Variants in NOSTRIN observed in about 807,000 individuals in gnomAD.
The protein encoded by NOSTRIN is nitric oxide synthase trafficking, also known as BM247 homolog.
NOSTRIN carries 63 observed loss-of-function variants against 59.0 expected under a neutral mutation model. The observed-to-expected ratio is 1.07, with a 90% CI of 0.87 to 1.32. The LOEUF (loss-of-function observed/expected upper bound fraction) is 1.32, where lower values mean the gene tolerates loss of function less well. Among genes scored for constraint, NOSTRIN ranks in the 40% most tolerant of loss-of-function variants. NOSTRIN has a pLI of 0.00. For missense variants in NOSTRIN, 512 were observed against 473.1 expected, an observed-to-expected ratio of 1.08 and a Z score of -0.76; for synonymous variants, 200 against 165.4, an observed-to-expected ratio of 1.21 and a Z score of -1.61.
intron 15 of NOSTRIN, chr2:168,863,611 C>CTAAGT (rs1689625972): frequency 3.0e-6 from 3 of 985,052 alleles, no homozygotes; most frequent in Admixed American, 6.2e-5. Flanking sequence ...TTAAAGTTGT[C>CTAAGT]TAAGTTGTTG....
chr2:168,824,402 G>A (rs1001976588), intron 2 of NOSTRIN, among the ~76,000 whole-genome samples: 13 of 151,980 alleles, frequency 8.6e-5, no homozygotes, highest in South Asian at 2.1e-4. Context: ...ATGCTCAAGC[G>A]ATTCTCGCAC....
In NOSTRIN at chr2:168,859,603, C is replaced by G; in HGVS notation, c.1145C>G (p.Pro382Arg). The G allele has an allele frequency of 6.2e-7, 1 of 1,614,024 alleles. No individual in the cohort carries two copies. The highest frequency in any genetic ancestry group is 1.1e-5 in the South Asian group (1 of 91,064). The change falls in exon 13 of 16, where the codon CCT becomes CGT. Residue 382 changes from proline (P) to arginine (R), a missense_variant. Coordinates refer to ENST00000317647, the MANE Select transcript of NOSTRIN (RefSeq NM_001039724.4). ...GAGCAAAGACCTCAACCCAGCCATC[C>G]TTGTAGTAATTCCATCTTCAGGTGG... Reference protein sequence around the residue: ...ELEQRPQPSHPCSNSIFRWRE... With the variant: ...ELEQRPQPSHRCSNSIFRWRE...
intron 2 of NOSTRIN, among the ~76,000 whole-genome samples, chr2:168,791,455 G>A (rs111906637): frequency 6.6e-5 from 10 of 152,100 alleles, no homozygotes; most frequent in African/African-American, 1.9e-4. Flanking sequence ...ATAAACATAC[G>A]TGTGCTTTGT....
upstream of NOSTRIN, among the ~76,000 whole-genome samples, chr2:168,799,399 C>T (rs1685560475): frequency 6.6e-6 from 1 of 152,206 alleles, no homozygotes; most frequent in Non-Finnish European, 1.5e-5. Context: ...CTCCTCCTCC[C>T]AAAGTCCCCT....
Position 168,828,521 on chromosome 2 carries a change from T to A in NOSTRIN, c.342+20T>A. The A allele has an allele frequency of 1.2e-6, 1 of 838,670 alleles. No individual in the cohort carries two copies. Among genetic ancestry groups the A allele is most frequent in the East Asian group, 2.5e-5 (1 of 40,666 alleles). 52.0% of individuals were successfully genotyped at this position (838,670 alleles called of 1,614,324 possible). A position where few individuals can be genotyped will look rare whatever the true frequency, so the allele number is the denominator to read the frequency against. On this transcript the variant is annotated intron_variant, in intron 5 of 15. Transcript: ENST00000317647. ...AAATCAGTGAGTCCAAACCTTTCTT[T>A]ACTCTTCCTGTTTAAAGCAAGATTC...
At chr2:168,824,502 T>C in intron 2 of NOSTRIN, 132 bp from the exon 3 acceptor site, 1 of 573,996 alleles carries the variant, frequency 1.7e-6, no homozygotes, top group Non-Finnish European at 3.2e-6. Context: ...TTTCACCATG[T>C]TGGCCAGGCT....
Position 168,810,254 on chromosome 2 carries a change from C to T in NOSTRIN, c.28-1313C>T, listed in dbSNP as rs1163551216. On this transcript the variant is annotated intron_variant, in intron 1 of 15. Coordinates refer to ENST00000317647, the MANE Select transcript of NOSTRIN (RefSeq NM_001039724.4). Reference sequence around the variant, plus strand: ...CCTTGTATCCCAAGCAGTTTCAAGTCCTATCACAGCTTTCTGTGTTAAATT... The same window carrying T: ...CCTTGTATCCCAAGCAGTTTCAAGTTCTATCACAGCTTTCTGTGTTAAATT... 5.3e-5 allele frequency among the ~76,000 whole-genome samples: 8 copies of T among 152,284 alleles called. No homozygotes were observed. The East Asian group carries it at 1.5e-3, about 29-fold the overall frequency.
chr2:168,803,676 A>G (rs1685706410), intron 1 of NOSTRIN, among the ~76,000 whole-genome samples: 1 of 152,246 alleles, frequency 6.6e-6, no homozygotes, highest in Admixed American at 6.5e-5. Context: ...TAATGACAAC[A>G]TAGTAGCCAA....
At chr2:168,828,341 T>C (rs1471598163) in intron 4 of NOSTRIN, 79 bp from the exon 5 acceptor site, 1 of 863,554 alleles carries the variant, frequency 1.2e-6, no homozygotes, top group African/African-American at 1.6e-5. Flanking sequence ...CACACTATTT[T>C]ATTTCCCCAG....
chr2:168,848,179 C>T (rs557501983), intron 8 of NOSTRIN, among the ~76,000 whole-genome samples: 7 of 152,312 alleles, frequency 4.6e-5, no homozygotes, highest in South Asian at 2.1e-4. Context: ...ATTTGTTTTA[C>T]GTATTTGTTA....
At chr2:168,806,399 T>A (rs1293671729) in intron 1 of NOSTRIN, among the ~76,000 whole-genome samples, 2 of 152,186 alleles carry the variant, frequency 1.3e-5, no homozygotes, top group Non-Finnish European at 2.9e-5. Flanking sequence ...AGGCACTTTA[T>A]AATCTTTACA....
At chr2:168,848,662 A>G (rs1187720905) in intron 8 of NOSTRIN, among the ~76,000 whole-genome samples, 1 of 152,262 alleles carries the variant, frequency 6.6e-6, no homozygotes, top group Non-Finnish European at 1.5e-5. Flanking sequence ...TGCAGACATT[A>G]TGCTAAGTGA....
chr2:168,828,337 A>G, intron 4 of NOSTRIN, 83 bp from the exon 5 acceptor site: 1 of 863,180 alleles, frequency 1.2e-6, no homozygotes, highest in Middle Eastern at 2.2e-4. Flanking sequence ...ATAACACACT[A>G]TTTTATTTCC....
At chr2:168,825,175 T>G (rs989589111) in intron 3 of NOSTRIN, among the ~76,000 whole-genome samples, 5 of 152,248 alleles carry the variant, frequency 3.3e-5, no homozygotes, top group African/African-American at 1.2e-4. Context: ...ACTGTGTGCA[T>G]GCACTGTGTT....
chr2:168,850,374 C>A (rs1688688904), intron 8 of NOSTRIN, among the ~76,000 whole-genome samples: 1 of 152,120 alleles, frequency 6.6e-6, no homozygotes, highest in African/African-American at 2.4e-5. Context: ...GACTCCCAGG[C>A]CTAATTTTAG....
At chr2:168,800,894 G>T (rs184875234), upstream of NOSTRIN, among the ~76,000 whole-genome samples, 54 of 137,574 alleles carry the variant, frequency 3.9e-4, no homozygotes, top group East Asian at 0.012. Flanking sequence ...TCTATATCCT[G>T]TCTCTAAATT....
intron 11 of NOSTRIN, 116 bp from the exon 12 acceptor site, chr2:168,856,574 T>TAAA: frequency 3.9e-5 from 28 of 725,712 alleles, no homozygotes; most frequent in East Asian, 6.1e-5. Flanking sequence ...GACTCCGTCT[T>TAAA]AAAAAAAAAA....
intron 7 of NOSTRIN, 136 bp from the exon 8 acceptor site, chr2:168,842,856 A>T: frequency 1.5e-6 from 1 of 647,318 alleles, no homozygotes; most frequent in South Asian, 2.7e-5. Flanking sequence ...TCATTTTGTC[A>T]ACTATAGTCA....
intron 2 of NOSTRIN, among the ~76,000 whole-genome samples, chr2:168,816,703 G>A (rs1264740520): frequency 6.6e-6 from 1 of 152,190 alleles, no homozygotes; most frequent in Non-Finnish European, 1.5e-5. Flanking sequence ...GCTTGCATCT[G>A]TTGTAGCTCT....
Sources: allele counts gnomAD v4.1 joint callset (sites outside exome capture counted in the v4.1 genomes callset), GRCh38; gene constraint gnomAD v4.1.1; transcripts MANE v1.5; gene names NCBI Gene and HGNC (gene_info 2026-07-23, HGNC 2026-07-21).